The following CAMKMT variants were observed in gnomAD, a reference collection of about 807,000 sequenced individuals.
CAMKMT encodes calmodulin-lysine N-methyltransferase, also known as CaM KMT.
CAMKMT carries 53 observed loss-of-function variants against 48.0 expected under a neutral mutation model. That is an observed-to-expected ratio of 1.10 (90% CI 0.89 to 1.39). The LOEUF (loss-of-function observed/expected upper bound fraction) is 1.39, where lower values mean the gene tolerates loss of function less well. Among genes scored for constraint, CAMKMT ranks in the 40% most tolerant of loss-of-function variants. The pLI is 0.00. For synonymous variants in CAMKMT, 165 were observed against 152.3 expected (o/e 1.08, Z -0.61); for missense variants, 428 against 402.7 (o/e 1.06, Z -0.54).
chr2:44,517,050 T>C (rs1477815358), intron 3 of CAMKMT, among the ~76,000 whole-genome samples: 1 of 152,164 alleles, frequency 6.6e-6, no homozygotes, highest in African/African-American at 2.4e-5. Flanking sequence ...CCTTGTGGTT[T>C]TGAAGAGCTT....
At chr2:44,567,588 G>A (rs951942750) in intron 3 of CAMKMT, among the ~76,000 whole-genome samples, 1 of 152,176 alleles carries the variant, frequency 6.6e-6, no homozygotes, top group Non-Finnish European at 1.5e-5. Context: ...TTTGGAGGAA[G>A]CTCAGTTCAG....
intron 3 of CAMKMT, among the ~76,000 whole-genome samples, chr2:44,632,798 T>C (rs1672910488): frequency 6.6e-6 from 1 of 152,154 alleles, no homozygotes; most frequent in Non-Finnish European, 1.5e-5. Context: ...ATACAAAGAC[T>C]AGACTGGCCT....
intron 2 of CAMKMT, among the ~76,000 whole-genome samples, chr2:44,376,058 G>T (rs1472495609): frequency 1.3e-5 from 2 of 151,916 alleles, no homozygotes; most frequent in Non-Finnish European, 2.9e-5. Context: ...AAAGTGCTGG[G>T]ATTACAGGTG....
chr2:44,427,766 T>G (rs1067367), intron 3 of CAMKMT, among the ~76,000 whole-genome samples: 2 of 151,936 alleles, frequency 1.3e-5, no homozygotes, highest in Non-Finnish European at 2.9e-5. Flanking sequence ...TGTATTATAT[T>G]GAATTTGTGG....
At chr2:44,458,866 C>T (rs1365909519) in intron 3 of CAMKMT, among the ~76,000 whole-genome samples, 2 of 152,002 alleles carry the variant, frequency 1.3e-5, no homozygotes, top group Non-Finnish European at 2.9e-5. Context: ...TTTCTAAAGG[C>T]CATACGTAAC....
At chr2:44,767,975 C>G (rs1372901660) in intron 10 of CAMKMT, among the ~76,000 whole-genome samples, 2 of 152,158 alleles carry the variant, frequency 1.3e-5, no homozygotes, top group African/African-American at 4.8e-5. Context: ...CCAGCAAAGA[C>G]GTTCAGCATT....
chr2:44,589,331 C>A (rs1670115356), intron 3 of CAMKMT, among the ~76,000 whole-genome samples: 1 of 53,426 alleles, frequency 1.9e-5, no homozygotes. Context: ...CCGGCCGCCC[C>A]TACTGGGAAG....
intron 3 of CAMKMT, among the ~76,000 whole-genome samples, chr2:44,478,784 T>C (rs1404158383): frequency 6.7e-6 from 1 of 149,350 alleles, no homozygotes; most frequent in Non-Finnish European, 1.5e-5. Context: ...CACTGCAAGC[T>C]CCACCTTCTG....
At chr2:44,724,334 T>C (rs1678657643) in intron 7 of CAMKMT, among the ~76,000 whole-genome samples, 1 of 152,196 alleles carries the variant, frequency 6.6e-6, no homozygotes, top group South Asian at 2.1e-4. Flanking sequence ...CAGGTAGAGA[T>C]CTTCTGAAAC....
rs935162859 is a variant in CAMKMT at position 44,402,644 on chromosome 2, C to T, written c.376+12339C>T. 4.0e-5 allele frequency among the ~76,000 whole-genome samples: 6 copies of T among 150,770 alleles called. No individual in the cohort carries two copies. In the South Asian group the frequency reaches 1.3e-3, roughly 31 times the overall value. ...GAATTACTCTTTTAATGACTTTCTTCCATCTGTTTTCTCTGTTTCTTTCAG... is the reference window on the plus strand; with the variant it reads ...GAATTACTCTTTTAATGACTTTCTTTCATCTGTTTTCTCTGTTTCTTTCAG... On this transcript the variant is annotated intron_variant, in intron 3 of 10. Coordinates refer to ENST00000378494, the MANE Select transcript of CAMKMT (RefSeq NM_024766.5).
At chr2:44,429,309 ATGTC>A (rs1684492611) in intron 3 of CAMKMT, among the ~76,000 whole-genome samples, 1 of 138,686 alleles carries the variant, frequency 7.2e-6, no homozygotes, top group Non-Finnish European at 1.6e-5. Context: ...GTGTGTGTGT[ATGTC>A]TTATGGATGG....
chr2:44,520,995 A>T (rs569099452), intron 3 of CAMKMT, among the ~76,000 whole-genome samples: 105 of 152,292 alleles, frequency 6.9e-4, no homozygotes, highest in African/African-American at 2.4e-3. Context: ...TTCTTTATAA[A>T]TTACCCAGTC....
At chr2:44,714,770 G>A (rs1413165881) in intron 6 of CAMKMT, among the ~76,000 whole-genome samples, 1 of 152,174 alleles carries the variant, frequency 6.6e-6, no homozygotes, top group Non-Finnish European at 1.5e-5. Flanking sequence ...TCTGGGGCTT[G>A]CCATGATGAT....
chr2:44,534,322 G>T (rs1666648822), intron 3 of CAMKMT, among the ~76,000 whole-genome samples: 1 of 152,152 alleles, frequency 6.6e-6, no homozygotes, highest in Admixed American at 6.5e-5. Context: ...GCATTAGACA[G>T]ATCATCCAAA....
chr2:44,672,287 CACTCTCAGAACA>C (rs1487170244), intron 3 of CAMKMT, among the ~76,000 whole-genome samples: 4 of 152,168 alleles, frequency 2.6e-5, no homozygotes, highest in African/African-American at 9.7e-5. Context: ...GAGTGCATTC[CACTCTCAGAACA>C]ACCTGCCCAA....
At chr2:44,390,745 T>C (rs1297598200) in intron 3 of CAMKMT, among the ~76,000 whole-genome samples, 1 of 152,196 alleles carries the variant, frequency 6.6e-6, no homozygotes, top group Non-Finnish European at 1.5e-5. Flanking sequence ...CCAGAACATA[T>C]TTTTCTTGAT....
chr2:44,425,048 C>T (rs1356232357), intron 3 of CAMKMT, among the ~76,000 whole-genome samples: 2 of 152,224 alleles, frequency 1.3e-5, no homozygotes, highest in East Asian at 1.9e-4. Flanking sequence ...CTGTAATATT[C>T]ACAATTAGAA....
At chr2:44,642,348 T>G (rs1158676216) in intron 3 of CAMKMT, among the ~76,000 whole-genome samples, 1 of 152,192 alleles carries the variant, frequency 6.6e-6, no homozygotes, top group African/African-American at 2.4e-5. Flanking sequence ...TAGAAAGAAA[T>G]AAAGTGCCCT....
chr2:44,647,907 CAAAAAAAAAAAAAA>C (rs756753917), intron 3 of CAMKMT, among the ~76,000 whole-genome samples: 3 of 29,516 alleles, frequency 1.0e-4, no homozygotes, highest in African/African-American at 2.4e-4. Flanking sequence ...GACTCCGTCT[CAAAAAAAAAAAAAA>C]AAAAAAAAAA....
Sources: allele counts gnomAD v4.1 joint callset (sites outside exome capture counted in the v4.1 genomes callset), GRCh38; gene constraint gnomAD v4.1.1; transcripts MANE v1.5; gene names NCBI Gene and HGNC (gene_info 2026-07-23, HGNC 2026-07-21).